NCAM1: variants seen among roughly 807,000 people sequenced by gnomAD.
NCAM1 encodes the protein antigen recognized by monoclonal antibody 5.1H11.
In NCAM1, 14 loss-of-function variants were observed where a neutral mutation model predicts 109.8. That is an observed-to-expected ratio of 0.13 (90% CI 0.08 to 0.20). The LOEUF (loss-of-function observed/expected upper bound fraction) is 0.20. Among genes scored for constraint, NCAM1 ranks in the 10% least tolerant of loss-of-function variants. NCAM1 has a pLI of 1.00. For missense variants in NCAM1, 774 were observed against 1,109.9 expected (o/e 0.70, Z 4.30); for synonymous variants, 418 against 442.9 (o/e 0.94, Z 0.70).
intron 1 of NCAM1, among the ~76,000 whole-genome samples, chr11:113,037,865 A>G (rs1952942724): frequency 6.6e-6 from 1 of 152,164 alleles, no homozygotes; most frequent in Non-Finnish European, 1.5e-5. Flanking sequence ...TGAGTGCCAG[A>G]TACATCTCCT....
At chr11:113,236,395 C>T in intron 14 of NCAM1, 3 of 1,490,924 alleles carry the variant, frequency 2.0e-6, no homozygotes, top group Non-Finnish European at 1.9e-6. Flanking sequence ...TAGTTCTGGT[C>T]CCTTTTTTGT....
intron 1 of NCAM1, among the ~76,000 whole-genome samples, chr11:113,039,532 A>G (rs1215566038): frequency 6.6e-6 from 1 of 152,260 alleles, no homozygotes; most frequent in African/African-American, 2.4e-5. Context: ...GTTATGAAGC[A>G]AACCAAAAAG....
chr11:113,081,452 C>T (rs781902744), intron 1 of NCAM1, among the ~76,000 whole-genome samples: 14 of 152,332 alleles, frequency 9.2e-5, no homozygotes, highest in South Asian at 2.1e-4. Flanking sequence ...GAAAGGCACT[C>T]GCCAAAGGAT....
chr11:113,213,272 A>G (rs1555113897), intron 7 of NCAM1, among the ~76,000 whole-genome samples: 1 of 152,122 alleles, frequency 6.6e-6, no homozygotes, highest in African/African-American at 2.4e-5. Context: ...ACCTTTTCCT[A>G]TATTCATGAA....
chr11:113,037,079 C>T (rs1555079271), intron 1 of NCAM1, among the ~76,000 whole-genome samples: 2 of 152,160 alleles, frequency 1.3e-5, no homozygotes, highest in African/African-American at 4.8e-5. Context: ...GTCTTTATAT[C>T]TGAGTTTTTA....
rs1250649126 is a variant in NCAM1, at chr11:113,066,138, A to C, written c.52+104474A>C. On this transcript the variant is annotated intron_variant, in intron 1 of 19. Coordinates refer to ENST00000316851, the MANE Select transcript of NCAM1 (RefSeq NM_181351.5). ...TGAATTTATTAAAGTGGAGATTGAG[A>C]GATAAGTAATTTTTGTAAAAGGAAG... Among the ~76,000 whole-genome samples the C allele has an allele frequency of 8.5e-5, 13 of 152,092 alleles. 1 individual carries two copies.
chr11:113,149,536 C>T (rs1942148201), intron 1 of NCAM1, among the ~76,000 whole-genome samples: 1 of 152,136 alleles, frequency 6.6e-6, no homozygotes, highest in African/African-American at 2.4e-5. Context: ...AGGTGTAAAA[C>T]TTGCAAGATT....
intron 1 of NCAM1, among the ~76,000 whole-genome samples, chr11:113,132,604 ATGTG>A (rs71060290): frequency 0.05 from 6,487 of 130,204 alleles, 337 homozygotes; most frequent in East Asian, 0.15. Context: ...ATTAGGAAGC[ATGTG>A]TGTGTGTGTG....
At chr11:113,076,126 T>G (rs1214540164) in intron 1 of NCAM1, among the ~76,000 whole-genome samples, 1 of 152,180 alleles carries the variant, frequency 6.6e-6, no homozygotes, top group Non-Finnish European at 1.5e-5. Flanking sequence ...GGTTCTGGCA[T>G]GGCTAGGACT....
chr11:113,025,719 C>CAA (rs57264295), intron 1 of NCAM1, among the ~76,000 whole-genome samples: 1 of 99,752 alleles, frequency 1.0e-5, no homozygotes, highest in African/African-American at 4.1e-5. Context: ...CCACATCTCA[C>CAA]AAAAAAAAAA....
intron 1 of NCAM1, among the ~76,000 whole-genome samples, chr11:112,995,511 A>G (rs1452959977): frequency 1.3e-5 from 2 of 152,224 alleles, no homozygotes; most frequent in African/African-American, 2.4e-5. Flanking sequence ...ATAAAGTGCT[A>G]TGGACATTTG....
intron 14 of NCAM1, among the ~76,000 whole-genome samples, chr11:113,237,203 C>A (rs1555118444): frequency 6.6e-6 from 1 of 152,090 alleles, no homozygotes; most frequent in African/African-American, 2.4e-5. Context: ...CCTAAACTTC[C>A]CTTCTCCTGA....
chr11:113,026,326 T>A (rs1308239385), intron 1 of NCAM1, among the ~76,000 whole-genome samples: 3 of 152,136 alleles, frequency 2.0e-5, no homozygotes, highest in African/African-American at 7.2e-5. Context: ...TAGAATGAAG[T>A]TAACGTCGCA....
chr11:113,093,709 G>T (rs1254255181), intron 1 of NCAM1, among the ~76,000 whole-genome samples: 2 of 152,224 alleles, frequency 1.3e-5, no homozygotes, highest in Non-Finnish European at 2.9e-5. Flanking sequence ...CAGGTACATG[G>T]AAGTCATTCC....
chr11:113,185,893 G>A (rs1943494186), intron 1 of NCAM1, among the ~76,000 whole-genome samples: 1 of 152,150 alleles, frequency 6.6e-6, no homozygotes, highest in Admixed American at 6.5e-5. Context: ...AGATTTTCAG[G>A]CTGTAGCAAG....
intron 15 of NCAM1, among the ~76,000 whole-genome samples, chr11:113,252,475 G>A (rs1300248366): frequency 6.7e-6 from 1 of 149,074 alleles, no homozygotes; most frequent in African/African-American, 2.5e-5. Context: ...TCTTTTAAAA[G>A]AATTAATCAT....
chr11:113,205,248 C>G (rs1591415680), intron 3 of NCAM1, among the ~76,000 whole-genome samples: 1 of 152,110 alleles, frequency 6.6e-6, no homozygotes, highest in Admixed American at 6.5e-5. Flanking sequence ...GACAAGGAAC[C>G]CTTGGTGAAG....
At chr11:113,135,480 C>T (rs1235764768) in intron 1 of NCAM1, among the ~76,000 whole-genome samples, 6 of 148,504 alleles carry the variant, frequency 4.0e-5, no homozygotes, top group African/African-American at 1.1e-4. Flanking sequence ...GATAAAGATG[C>T]GCCCACTGTT....
At chr11:113,130,434 A>G (rs910692013) in intron 1 of NCAM1, among the ~76,000 whole-genome samples, 1 of 152,228 alleles carries the variant, frequency 6.6e-6, no homozygotes, top group African/African-American at 2.4e-5. Flanking sequence ...ATTAAACAGT[A>G]TGCCACAAAG....
Sources: allele counts gnomAD v4.1 joint callset (sites outside exome capture counted in the v4.1 genomes callset), GRCh38; gene constraint gnomAD v4.1.1; transcripts MANE v1.5; gene names NCBI Gene and HGNC (gene_info 2026-07-23, HGNC 2026-07-21).